Variants in ACVR1 observed in about 807,000 individuals in gnomAD.
ACVR1 encodes activin A receptor type 1, also known as activin receptor type-1.
A neutral mutation model predicts 57.1 loss-of-function variants in ACVR1; 38 were observed. The observed-to-expected ratio is 0.67, with a 90% CI of 0.51 to 0.87. The LOEUF (loss-of-function observed/expected upper bound fraction) is 0.87, where lower values mean the gene tolerates loss of function less well. Among genes scored for constraint, ACVR1 ranks in the 40% least tolerant of loss-of-function variants. The probability of loss-of-function intolerance (pLI) is 0.00; values close to 1 mark genes in which losing one functional copy is unlikely to be tolerated. For missense variants in ACVR1, 463 were observed against 638.2 expected, an observed-to-expected ratio of 0.73 and a Z score of 2.96; for synonymous variants, 212 against 228.1, an observed-to-expected ratio of 0.93 and a Z score of 0.63.
rs1690289569 is a variant in ACVR1, at chr2:157,876,182, A to G, written c.-569T>C. Among the ~76,000 whole-genome samples, 2 of 140,784 alleles carry G rather than the reference A, an allele frequency of 1.4e-5. No homozygotes were observed. The highest frequency in any genetic ancestry group is 7.0e-5 in the Admixed American group (1 of 14,210). 92.4% of individuals were successfully genotyped at this position (140,784 alleles called of 152,430 possible). A position where few individuals can be genotyped will look rare whatever the true frequency, so the allele number is the denominator to read the frequency against. On this transcript the variant is annotated 5_prime_UTR_variant, in exon 1 of 11. Transcript: ENST00000434821. ...GCAGAATAAACTTCCCGAGGCGCAGAGGCTCGGGCTGGGAGCACGACCGCG... is the reference window on the plus strand; with the variant it reads ...GCAGAATAAACTTCCCGAGGCGCAGGGGCTCGGGCTGGGAGCACGACCGCG...
chr2:157,780,935 G>A (rs1426390595), intron 3 of ACVR1, among the ~76,000 whole-genome samples: 4 of 152,122 alleles, frequency 2.6e-5, no homozygotes, highest in African/African-American at 9.7e-5. Flanking sequence ...TTGGCTCTAA[G>A]ATCCCAATTA....
chr2:157,863,336 CT>C (rs1161335923), intron 1 of ACVR1, among the ~76,000 whole-genome samples: 402 of 35,628 alleles, frequency 0.011, 5 homozygotes, highest in African/African-American at 0.017. Context: ...AATTGTTTCT[CT>C]TTTTTTTTTT....
At position 157,830,016 on chromosome 2, in the gene ACVR1, C is replaced by T. The variant is rs185376634; in HGVS notation, c.-182-11457G>A. 3.8e-4 allele frequency among the ~76,000 whole-genome samples: 58 copies of T among 152,234 alleles called. No homozygotes were observed. In the East Asian group the frequency reaches 8.9e-3, roughly 23 times the overall value. ...GGTGGATCACCTGAAGTCAGGAGTT[C>T]GAGACCAGCCTGGCCAACATGGTGA... On this transcript the variant is annotated intron_variant, in intron 1 of 10. Coordinates refer to ENST00000434821, the MANE Select transcript of ACVR1 (RefSeq NM_001111067.4).
chr2:157,770,276 CT>C, intron 7 of ACVR1, 91 bp downstream of exon 7: 1 of 1,453,914 alleles, frequency 6.9e-7, no homozygotes, highest in South Asian at 1.1e-5. Flanking sequence ...AGGAGACACT[CT>C]CGAATTCACA....
chr2:157,759,617 C>T (rs886703016), intron 9 of ACVR1, among the ~76,000 whole-genome samples: 6 of 152,026 alleles, frequency 3.9e-5, no homozygotes, highest in Admixed American at 6.5e-5. Flanking sequence ...TGATACCAAA[C>T]GAGACAAGGA....
chr2:157,855,589 A>C (rs1480312622), intron 1 of ACVR1, among the ~76,000 whole-genome samples: 1 of 152,076 alleles, frequency 6.6e-6, no homozygotes, highest in African/African-American at 2.4e-5. Flanking sequence ...CCTTCCCTAG[A>C]AGAATAACTC....
At chr2:157,804,031 T>A (rs1687427462) in intron 2 of ACVR1, among the ~76,000 whole-genome samples, 1 of 152,216 alleles carries the variant, frequency 6.6e-6, no homozygotes, top group Non-Finnish European at 1.5e-5. Context: ...GATTCTCATA[T>A]ATGATCTACA....
chr2:157,757,021 G>GATAT lies in ACVR1; in HGVS notation c.1264+3855_1264+3858dup, dbSNP rs765313619. On this transcript the variant is annotated intron_variant, in intron 9 of 10. Transcript: ENST00000434821. ...ATATATTTGAGATATATATATATTT[G>GATAT]ATATATATATATATATATATATAAA... 1.3e-3 allele frequency among the ~76,000 whole-genome samples: 140 copies of GATAT among 106,402 alleles called. 1 individual carries two copies. Among genetic ancestry groups the GATAT allele is most frequent in the South Asian group, 3.5e-3 (13 of 3,672 alleles). The allele number at this position is 106,402 out of a possible 152,430, so 69.8% of individuals were successfully genotyped here.
chr2:157,752,027 A>G (rs1194776318), intron 9 of ACVR1, among the ~76,000 whole-genome samples: 1 of 152,122 alleles, frequency 6.6e-6, no homozygotes, highest in African/African-American at 2.4e-5. Context: ...AAACGACTAC[A>G]ACTAAAGACC....
chr2:157,814,522 G>A (rs1185387973), intron 2 of ACVR1, among the ~76,000 whole-genome samples: 2 of 152,128 alleles, frequency 1.3e-5, no homozygotes, highest in African/African-American at 2.4e-5. Flanking sequence ...CTCACCCATC[G>A]TTGTTAAATC....
At chr2:157,760,856 T>C (rs1406890689) in intron 9 of ACVR1, 24 bp downstream of exon 9, 1 of 1,610,690 alleles carries the variant, frequency 6.2e-7, no homozygotes, top group African/African-American at 1.3e-5. Context: ...ATTAAGACAA[T>C]ATTATATTAG....
At chr2:157,759,340 T>C (rs1685553966) in intron 9 of ACVR1, among the ~76,000 whole-genome samples, 1 of 151,696 alleles carries the variant, frequency 6.6e-6, no homozygotes, top group Non-Finnish European at 1.5e-5. Context: ...ACAAAAATCA[T>C]CAGAGATTAT....
At chr2:157,814,839 T>C (rs1395917247) in intron 2 of ACVR1, among the ~76,000 whole-genome samples, 1 of 152,158 alleles carries the variant, frequency 6.6e-6, no homozygotes, top group African/African-American at 2.4e-5. Flanking sequence ...ATCCCAGCAC[T>C]TTGGGAGGCC....
chr2:157,845,522 T>C (rs560229757), intron 1 of ACVR1, among the ~76,000 whole-genome samples: 8 of 152,202 alleles, frequency 5.3e-5, no homozygotes, highest in African/African-American at 1.9e-4. Flanking sequence ...AGTTAGAGCA[T>C]AACTCTACTG....
At chr2:157,832,466 T>C (rs763029983) in intron 1 of ACVR1, among the ~76,000 whole-genome samples, 2 of 152,056 alleles carry the variant, frequency 1.3e-5, no homozygotes, top group African/African-American at 4.8e-5. Context: ...TGCTTTGCAG[T>C]AGGGGTGATA....
At chr2:157,851,907 A>ACCAC (rs374270063) in intron 1 of ACVR1, among the ~76,000 whole-genome samples, 119 of 11,712 alleles carry the variant, frequency 0.01, 5 homozygotes, top group African/African-American at 0.019. Flanking sequence ...ACACACACAC[A>ACCAC]CACCACCCCC....
intron 1 of ACVR1, among the ~76,000 whole-genome samples, chr2:157,833,459 A>C (rs192885273): frequency 1.4e-4 from 22 of 152,354 alleles, no homozygotes; most frequent in African/African-American, 5.3e-4. Flanking sequence ...GGTGACTCAA[A>C]TGAGCAGCTG....
At chr2:157,808,651 T>C (rs1359488491) in intron 2 of ACVR1, among the ~76,000 whole-genome samples, 2 of 152,156 alleles carry the variant, frequency 1.3e-5, no homozygotes, top group Non-Finnish European at 2.9e-5. Context: ...CCATCCCTAA[T>C]GACCTCTGAG....
intron 1 of ACVR1, among the ~76,000 whole-genome samples, chr2:157,841,457 T>C (rs959013554): frequency 1.9e-4 from 29 of 152,140 alleles, no homozygotes; most frequent in Non-Finnish European, 3.1e-4. Context: ...TGCTTAGACA[T>C]GTATTTTAAC....
Sources: gnomAD v4.1 joint callset for allele counts (sites outside exome capture counted in the v4.1 genomes callset) on GRCh38, gnomAD v4.1.1 for gene constraint, MANE v1.5 for transcripts, NCBI Gene and HGNC (gene_info 2026-07-23, HGNC 2026-07-21) for gene names.